PSPC1: variants seen among roughly 807,000 people sequenced by gnomAD.
PSPC1 encodes paraspeckle protein 1.
In PSPC1, 14 loss-of-function variants were observed where a neutral mutation model predicts 51.6. That is an observed-to-expected ratio of 0.27 (90% CI 0.18 to 0.42). The LOEUF (loss-of-function observed/expected upper bound fraction) is 0.42. PSPC1 is among the 10% of genes least tolerant of loss of function. The pLI is 1.00. For synonymous variants in PSPC1, 193 were observed against 231.9 expected (o/e 0.83, Z 1.53); for missense variants, 406 against 701.1 (o/e 0.58, Z 4.75).
intron 6 of PSPC1, among the ~76,000 whole-genome samples, chr13:19,721,487 A>C (rs1882759920): frequency 1.3e-5 from 2 of 152,226 alleles, no homozygotes; most frequent in South Asian, 4.1e-4. Context: ...TATACCTACA[A>C]CACAGCAGGA....
chr13:19,782,899 C>T lies in PSPC1; in HGVS notation c.-142G>A, dbSNP rs1324030938. ...CCGCTAGGTAGGCGAGTCGGCAACC[C>T]GTCCTCCCCCAACTCACGCCCGCTG... On this transcript the variant is annotated 5_prime_UTR_variant, in exon 1 of 9. Coordinates refer to ENST00000338910, the MANE Select transcript of PSPC1 (RefSeq NM_001354909.2). This position sits in a 1 kb window ranked among gnomAD's most constrained non-coding sequence, Gnocchi z 4.5. 1.1e-6 allele frequency: 1 copy of T among 928,438 alleles called. No individual in the cohort carries two copies. Among genetic ancestry groups the T allele is most frequent in the Non-Finnish European group, 1.5e-6 (1 of 679,490 alleles). 57.5% of individuals were successfully genotyped at this position (928,438 alleles called of 1,614,324 possible). A position where few individuals can be genotyped will look rare whatever the true frequency, so the allele number is the denominator to read the frequency against.
intron 6 of PSPC1, among the ~76,000 whole-genome samples, chr13:19,724,046 C>A (rs891162361): frequency 6.6e-6 from 1 of 152,160 alleles, no homozygotes; most frequent in Non-Finnish European, 1.5e-5. Flanking sequence ...ATTTCCATAA[C>A]TTAATGAAGA....
intron 3 of PSPC1, among the ~76,000 whole-genome samples, chr13:19,757,882 A>C (rs558955614): frequency 4.6e-5 from 7 of 152,334 alleles, no homozygotes; most frequent in Middle Eastern, 6.8e-3. Context: ...AGAGAACAGA[A>C]CTGGAGGCAG....
At chr13:19,687,668 T>TAACCA (rs1555226927) in intron 6 of PSPC1, among the ~76,000 whole-genome samples, 2 of 151,748 alleles carry the variant, frequency 1.3e-5, no homozygotes, top group African/African-American at 4.9e-5. Context: ...TCCACATAAA[T>TAACCA]CCCAGTCGTG....
At chr13:19,673,223 G>A, downstream of PSPC1, 1 of 425,426 alleles carries the variant, frequency 2.4e-6, no homozygotes, top group Non-Finnish European at 4.6e-6. Context: ...TCTGGGAAGA[G>A]TTCCTGCTTC....
intron 6 of PSPC1, among the ~76,000 whole-genome samples, chr13:19,729,004 TC>T (rs1883713810): frequency 6.6e-6 from 1 of 152,162 alleles, no homozygotes; most frequent in Non-Finnish European, 1.5e-5. Flanking sequence ...CTAATATTCT[TC>T]TTTCTTTTGC....
intron 7 of PSPC1, among the ~76,000 whole-genome samples, chr13:19,706,399 ACTTTTTATTTT>A (rs1880670691): frequency 6.6e-6 from 1 of 151,740 alleles, no homozygotes; most frequent in South Asian, 2.1e-4. Flanking sequence ...TCTTTTTTTA[ACTTTTTATTTT>A]GAAATATGGA....
At chr13:19,679,937 A>C (rs1334606963) in intron 6 of PSPC1, among the ~76,000 whole-genome samples, 1 of 152,202 alleles carries the variant, frequency 6.6e-6, no homozygotes, top group East Asian at 1.9e-4. Flanking sequence ...TTTATAAACC[A>C]TTACTAAAAC....
chr13:19,680,329 TA>T (rs1877134547), intron 6 of PSPC1, among the ~76,000 whole-genome samples: 1 of 152,184 alleles, frequency 6.6e-6, no homozygotes, highest in African/African-American at 2.4e-5. Flanking sequence ...ATTTAATTTT[TA>T]AAAGGGTCAT....
chr13:19,735,204 C>T (rs542231595), intron 5 of PSPC1, among the ~76,000 whole-genome samples: 1 of 152,020 alleles, frequency 6.6e-6, no homozygotes, highest in Admixed American at 6.6e-5. Context: ...CCCAGCTACT[C>T]GGGAGGCTGA....
intron 1 of PSPC1, among the ~76,000 whole-genome samples, chr13:19,773,078 T>G (rs1161678807): frequency 6.6e-6 from 1 of 151,860 alleles, no homozygotes; most frequent in Non-Finnish European, 1.5e-5. Flanking sequence ...AGAGATCTCT[T>G]GAACCTAGGA....
chr13:19,704,735 A>G (rs1324059167), intron 8 of PSPC1, among the ~76,000 whole-genome samples: 1 of 152,192 alleles, frequency 6.6e-6, no homozygotes, highest in East Asian at 1.9e-4. Context: ...ATATTTAAAT[A>G]TAATAAAAAT....
chr13:19,761,336 G>C (rs1351977177), intron 2 of PSPC1, among the ~76,000 whole-genome samples: 1 of 152,026 alleles, frequency 6.6e-6, no homozygotes, highest in Non-Finnish European at 1.5e-5. Flanking sequence ...TTCATGGAGG[G>C]GAAGAGGAAT....
chr13:19,677,045 T>C (rs1246625099), intron 7 of PSPC1, among the ~76,000 whole-genome samples: 1 of 151,972 alleles, frequency 6.6e-6, no homozygotes, highest in Non-Finnish European at 1.5e-5. Flanking sequence ...CCATCCTGGC[T>C]AACACAGTGA....
At chr13:19,763,081 G>C (rs566161278) in intron 2 of PSPC1, among the ~76,000 whole-genome samples, 1 of 151,854 alleles carries the variant, frequency 6.6e-6, no homozygotes, top group African/African-American at 2.4e-5. Context: ...CTCTAGCCTA[G>C]GCAACAAGAG....
intron 6 of PSPC1, among the ~76,000 whole-genome samples, chr13:19,687,998 G>GT (rs1372637795): frequency 6.6e-6 from 1 of 151,662 alleles, no homozygotes; most frequent in African/African-American, 2.4e-5. Context: ...CACTCTGATC[G>GT]TATCTACTCC....
At chr13:19,710,842 A>AT (rs67829860) in intron 6 of PSPC1, among the ~76,000 whole-genome samples, 143 of 149,096 alleles carry the variant, frequency 9.6e-4, no homozygotes, top group African/African-American at 2.9e-3. Flanking sequence ...AAAAAGCTTA[A>AT]TTTTTTTTTT....
chr13:19,678,131 G>A (rs1876874731), intron 6 of PSPC1: 1 of 276,324 alleles, frequency 3.6e-6, no homozygotes, highest in Non-Finnish European at 7.1e-6. Flanking sequence ...AATTTAATTG[G>A]CTAAGTCCCT....
At chr13:19,773,344 G>T (rs1004159151) in intron 1 of PSPC1, among the ~76,000 whole-genome samples, 15 of 149,876 alleles carry the variant, frequency 1.0e-4, no homozygotes, top group Admixed American at 8.7e-4. Context: ...CTGCCTCCTG[G>T]GTTCAAGAGA....
Sources: allele counts gnomAD v4.1 joint callset (sites outside exome capture counted in the v4.1 genomes callset), GRCh38; gene constraint gnomAD v4.1.1; non-coding constraint Gnocchi (gnomAD v3.1); transcripts MANE v1.5; gene names NCBI Gene and HGNC (gene_info 2026-07-23, HGNC 2026-07-21).